Variants in SORL1 observed in about 807,000 individuals in gnomAD.
The protein encoded by SORL1 is sortilin-related receptor.
A neutral mutation model predicts 273.7 loss-of-function variants in SORL1; 127 were observed. The ratio of observed to expected loss-of-function variants is 0.46; its 90% CI spans 0.40 to 0.54. The LOEUF (loss-of-function observed/expected upper bound fraction) is 0.54. SORL1 is among the 20% of genes least tolerant of loss of function. The pLI, the probability that SORL1 is intolerant of heterozygous loss-of-function variation, is 0.00. For missense variants in SORL1, 2,494 were observed against 2,846.1 expected (o/e 0.88, Z 2.81); for synonymous variants, 1,031 against 1,067.4 (o/e 0.97, Z 0.66).
chr11:121,590,206 A>G (rs1863188933), intron 30 of SORL1, 32 bp downstream of exon 30: 1 of 1,609,526 alleles, frequency 6.2e-7, no homozygotes, highest in Non-Finnish European at 8.5e-7. Context: ...GGTTAGCCCC[A>G]TAACCAAGAC....
At position 121,595,573 on chromosome 11, in the gene SORL1, G is replaced by A; in HGVS notation, c.4370-50G>A. ...GCATATTGATTGGTTGCTGTTATTGGCCAGCTCCCTCAATATTAAAAAGTA... is the reference window on the plus strand; with the variant it reads ...GCATATTGATTGGTTGCTGTTATTGACCAGCTCCCTCAATATTAAAAAGTA... On this transcript the variant is annotated intron_variant, in intron 31 of 47. Coordinates refer to ENST00000260197, the MANE Select transcript of SORL1 (RefSeq NM_003105.6). This position sits in a 1 kb window ranked among gnomAD's most constrained non-coding sequence, Gnocchi z 5.1. 6.7e-7 allele frequency: 1 copy of A among 1,497,136 alleles called. No individual in the cohort carries two copies. Among genetic ancestry groups the A allele is most frequent in the Non-Finnish European group, 9.0e-7 (1 of 1,107,032 alleles). The allele number at this position is 1,497,136 out of a possible 1,614,324, so 92.7% of individuals were successfully genotyped here.
At chr11:121,460,557 G>A (rs566704311) in intron 1 of SORL1, among the ~76,000 whole-genome samples, 16 of 151,866 alleles carry the variant, frequency 1.1e-4, no homozygotes, top group Non-Finnish European at 2.1e-4. Context: ...CACCACGCCC[G>A]GCTAATTGTT....
At chr11:121,532,573 C>T in intron 12 of SORL1, 21 bp downstream of exon 12, 2 of 1,588,232 alleles carry the variant, frequency 1.3e-6, no homozygotes, top group Non-Finnish European at 1.7e-6. Flanking sequence ...CTGATGAGGC[C>T]TTTTAACATC....
rs1157429038 is a variant in SORL1, at chr11:121,495,179, C to T, written c.759-1690C>T. Among the ~76,000 whole-genome samples, 6 of 152,192 alleles carry T rather than the reference C, an allele frequency of 3.9e-5. No individual in the cohort carries two copies. In the East Asian group the frequency reaches 7.7e-4, roughly 20 times the overall value. ...GCTCACCCAGCCTCAAACTTCCAGG[C>T]TTCAATCCACCCACCTCAGCCTCCT... On this transcript the variant is annotated intron_variant, in intron 5 of 47. Transcript: ENST00000260197.
At chr11:121,604,374 C>G (rs554223877) in intron 33 of SORL1, 50 bp downstream of exon 33, 2 of 1,599,052 alleles carry the variant, frequency 1.3e-6, no homozygotes, top group Admixed American at 1.7e-5. Context: ...CTGGGAGGCT[C>G]GCTTACCCCA....
In SORL1 at chr11:121,595,771, C is replaced by T. The variant is rs1356708000; in HGVS notation, c.4518C>T (p.Cys1506=). ...AGGATGGCCGGGACGAGGCCAATTG[C>T]CGTGAGTAGTCAGAGAGCCCTTCAC... The part of the protein sequence containing the change: ...DCQDGRDEAN[C]PTHSTLTCMS... Residue 1506 remains cysteine, a splice_region_variant and synonymous_variant, in exon 32 of 48, where the codon TGC becomes TGT. Transcript: ENST00000260197. This position sits in a 1 kb window ranked among gnomAD's most constrained non-coding sequence, Gnocchi z 5.1. 1 of 1,611,976 alleles carries T rather than the reference C, an allele frequency of 6.2e-7. No individual in the cohort carries two copies. Among genetic ancestry groups the T allele is most frequent in the Admixed American group, 1.7e-5 (1 of 60,010 alleles).
intron 16 of SORL1, among the ~76,000 whole-genome samples, chr11:121,552,759 T>C (rs1862523804): frequency 6.6e-6 from 1 of 152,224 alleles, no homozygotes; most frequent in African/African-American, 2.4e-5. Flanking sequence ...ATAAAGAAGG[T>C]GAGTGGTACA....
intron 31 of SORL1, among the ~76,000 whole-genome samples, chr11:121,592,232 A>G (rs917442232): frequency 6.6e-6 from 1 of 152,166 alleles, no homozygotes; most frequent in African/African-American, 2.4e-5. Flanking sequence ...ACTGAAACCC[A>G]CCATCCATCA....
At chr11:121,567,415 T>A (rs1862770538) in intron 22 of SORL1, among the ~76,000 whole-genome samples, 1 of 152,226 alleles carries the variant, frequency 6.6e-6, no homozygotes, top group Non-Finnish European at 1.5e-5. Context: ...TCTCCCTTTT[T>A]ATTCTTTTGC....
intron 44 of SORL1, among the ~76,000 whole-genome samples, chr11:121,621,651 C>T (rs1863724683): frequency 6.6e-6 from 1 of 152,206 alleles, no homozygotes; most frequent in Non-Finnish European, 1.5e-5. Flanking sequence ...GGGAGACCCA[C>T]AGCTGGGCAG....
At chr11:121,478,793 A>T (rs1436586315) in intron 3 of SORL1, among the ~76,000 whole-genome samples, 1 of 121,708 alleles carries the variant, frequency 8.2e-6, no homozygotes, top group East Asian at 2.4e-4. Flanking sequence ...TGTGCGCGTG[A>T]GTACCTTTGT....
At chr11:121,617,653 T>C (rs1243287902) in intron 41 of SORL1, among the ~76,000 whole-genome samples, 1 of 152,210 alleles carries the variant, frequency 6.6e-6, no homozygotes, top group African/African-American at 2.4e-5. Context: ...ATGTCTTACA[T>C]GTGCACATAA....
intron 21 of SORL1, among the ~76,000 whole-genome samples, chr11:121,560,540 C>T (rs944335788): frequency 6.6e-5 from 10 of 152,216 alleles, no homozygotes; most frequent in Non-Finnish European, 1.5e-4. Context: ...GATTAAATGG[C>T]ATCCTGGGTT....
At chr11:121,478,701 TGTG>T (rs1196325599) in intron 3 of SORL1, among the ~76,000 whole-genome samples, 1 of 151,416 alleles carries the variant, frequency 6.6e-6, no homozygotes, top group African/African-American at 2.4e-5. Context: ...TGTGGGTACC[TGTG>T]TGTGTGTGCT....
chr11:121,500,590 C>T (rs11827084), intron 6 of SORL1, among the ~76,000 whole-genome samples: 2,451 of 152,310 alleles, frequency 0.016, 72 homozygotes, highest in African/African-American at 0.056. Context: ...GGCAATATGG[C>T]TCCAAAAGCC....
intron 22 of SORL1, among the ~76,000 whole-genome samples, chr11:121,569,095 CTGAACATAAATTG>C (rs1418005129): frequency 9.8e-5 from 15 of 152,356 alleles, no homozygotes; most frequent in African/African-American, 2.6e-4. Flanking sequence ...ACTGCAGTCT[CTGAACATAAATTG>C]TGAAGATTTC....
chr11:121,505,691 T>G (rs1031924407), intron 6 of SORL1, among the ~76,000 whole-genome samples: 9 of 152,196 alleles, frequency 5.9e-5, no homozygotes, highest in Admixed American at 4.6e-4. Context: ...TGTGATTCCT[T>G]TTGACTTCAT....
At chr11:121,490,328 G>C (rs1175228853) in intron 5 of SORL1, among the ~76,000 whole-genome samples, 1 of 152,174 alleles carries the variant, frequency 6.6e-6, no homozygotes, top group East Asian at 1.9e-4. Flanking sequence ...AGGAGTGGTA[G>C]AGCTTTTGCA....
chr11:121,628,529 G>GC (rs945060420), intron 47 of SORL1, among the ~76,000 whole-genome samples: 2 of 152,144 alleles, frequency 1.3e-5, no homozygotes, highest in African/African-American at 4.8e-5. Context: ...CTGCTGTGCG[G>GC]CCCCCCATTC....
Sources: gnomAD v4.1 joint callset for allele counts (sites outside exome capture counted in the v4.1 genomes callset) on GRCh38, gnomAD v4.1.1 for gene constraint, Gnocchi (gnomAD v3.1) non-coding constraint, MANE v1.5 for transcripts, NCBI Gene and HGNC (gene_info 2026-07-23, HGNC 2026-07-21) for gene names.